The following PIK3C2G variants were observed in gnomAD, a reference collection of about 807,000 sequenced individuals.
PIK3C2G encodes phosphatidylinositol 3-kinase C2 domain-containing subunit gamma.
In PIK3C2G, 168 loss-of-function variants were observed where a neutral mutation model predicts 181.1. The ratio of observed to expected loss-of-function variants is 0.93; its 90% CI spans 0.82 to 1.05. The LOEUF is 1.05. PIK3C2G is among the 50% of genes least tolerant of loss of function. The pLI, the probability that PIK3C2G is intolerant of heterozygous loss-of-function variation, is 0.00. For synonymous variants in PIK3C2G, 573 were observed against 592.2 expected (o/e 0.97, Z 0.47); for missense variants, 1,869 against 1,732.8 (o/e 1.08, Z -1.40).
At chr12:18,272,493 A>G (rs1245093901) in intron 1 of PIK3C2G, among the ~76,000 whole-genome samples, 1 of 152,178 alleles carries the variant, frequency 6.6e-6, no homozygotes, top group Non-Finnish European at 1.5e-5. Context: ...AATATTGATA[A>G]TGCAATTTCA....
intron 1 of PIK3C2G, among the ~76,000 whole-genome samples, chr12:18,277,102 A>G (rs1949016937): frequency 6.6e-6 from 1 of 152,204 alleles, no homozygotes; most frequent in South Asian, 2.1e-4. Context: ...ACTCGATTCC[A>G]AATTAGAAAT....
At chr12:18,513,615 C>G (rs1207037781) in intron 24 of PIK3C2G, among the ~76,000 whole-genome samples, 1 of 151,654 alleles carries the variant, frequency 6.6e-6, no homozygotes, top group Non-Finnish European at 1.5e-5. Context: ...ATGATCCTTT[C>G]TATTACAGTG....
chr12:18,464,163 C>A (rs1278552905), intron 18 of PIK3C2G, among the ~76,000 whole-genome samples: 1 of 152,012 alleles, frequency 6.6e-6, no homozygotes, highest in Non-Finnish European at 1.5e-5. Flanking sequence ...GCCTCATATG[C>A]CCTAAAGTAC....
chr12:18,329,260 A>T (rs922908864), intron 8 of PIK3C2G, among the ~76,000 whole-genome samples: 1 of 151,970 alleles, frequency 6.6e-6, no homozygotes, highest in Non-Finnish European at 1.5e-5. Flanking sequence ...CTAGTGATTT[A>T]TGTACTAAAT....
At chr12:18,292,227 A>AAAAAAAAAAATATATATATATATAT in intron 4 of PIK3C2G, among the ~76,000 whole-genome samples, 2 of 48,750 alleles carry the variant, frequency 4.1e-5, no homozygotes, top group Non-Finnish European at 6.7e-5. Flanking sequence ...AAAAAAAAAA[A>AAAAAAAAAAATATATATATATATAT]ATATATATAT....
chr12:18,327,513 C>G lies in PIK3C2G; in HGVS notation c.1272+2415C>G, dbSNP rs369390278. On this transcript the variant is annotated intron_variant, in intron 8 of 32. Transcript: ENST00000538779. ...TTTTCTTTCTTGACAATTATTATTT[C>G]AACATATTTTAGATGATAACAATTT... is the stretch of plus-strand genomic sequence containing the variant. Among the ~76,000 whole-genome samples the G allele has an allele frequency of 4.5e-4, 68 of 151,994 alleles. No individual in the cohort carries two copies. In the East Asian group the frequency reaches 7.2e-3, roughly 16 times the overall value.
At chr12:18,642,103 A>T (rs934673786) in intron 32 of PIK3C2G, among the ~76,000 whole-genome samples, 1 of 152,148 alleles carries the variant, frequency 6.6e-6, no homozygotes, top group Non-Finnish European at 1.5e-5. Flanking sequence ...TCTCATAGGC[A>T]CTTTTAGACC....
intron 31 of PIK3C2G, among the ~76,000 whole-genome samples, chr12:18,609,854 C>T (rs941404848): frequency 2.0e-5 from 3 of 151,948 alleles, no homozygotes; most frequent in African/African-American, 7.2e-5. Flanking sequence ...GAACATTAAA[C>T]TTTATTCAAA....
At chr12:18,500,175 G>A (rs1283541012) in intron 22 of PIK3C2G, among the ~76,000 whole-genome samples, 1 of 152,164 alleles carries the variant, frequency 6.6e-6, no homozygotes, top group Non-Finnish European at 1.5e-5. Context: ...ACCGGGCTGC[G>A]CCCAGTGCTT....
At chr12:18,309,303 C>T (rs959409467) in intron 5 of PIK3C2G, among the ~76,000 whole-genome samples, 3 of 151,684 alleles carry the variant, frequency 2.0e-5, no homozygotes, top group African/African-American at 7.3e-5. Context: ...CCATACTTTA[C>T]CATAAAATAT....
chr12:18,720,079 G>C, the PIK3C2G span, among the ~76,000 whole-genome samples: 810 of 152,128 alleles, frequency 5.3e-3, 19 homozygotes, highest in Admixed American at 0.015. Flanking sequence ...TTCTTTGGTT[G>C]TTGCACTTTA....
chr12:18,589,569 T>A (rs1372024761), intron 29 of PIK3C2G, among the ~76,000 whole-genome samples: 1 of 151,980 alleles, frequency 6.6e-6, no homozygotes, highest in East Asian at 1.9e-4. Flanking sequence ...AGGGCATTTT[T>A]ATGAAGGAAG....
intron 25 of PIK3C2G, among the ~76,000 whole-genome samples, chr12:18,540,045 A>G (rs1000231875): frequency 7.2e-5 from 11 of 151,834 alleles, no homozygotes; most frequent in East Asian, 1.9e-4. Context: ...TGTGATTCTG[A>G]CCCCATTTAA....
chr12:18,282,469 A>T lies in PIK3C2G; in HGVS notation c.388A>T (p.Ile130Leu). 1 of 1,611,912 alleles carries T rather than the reference A, an allele frequency of 6.2e-7. No individual in the cohort carries two copies. Among genetic ancestry groups the T allele is most frequent in the Non-Finnish European group, 8.5e-7 (1 of 1,178,868 alleles). ...TAAAGAATGCTCCTGGGGAAGCCCC[A>T]TAGGAAAACATCATGGTGCTGATGA... ...TNKECSWGSPIGKHHGADDSR... is the reference protein window; with the variant it reads ...TNKECSWGSPLGKHHGADDSR... The change falls in exon 2 of 33, where the codon ATA (isoleucine) becomes TTA (leucine). Residue 130 changes from isoleucine (I) to leucine (L), a missense_variant. Ile to Leu is a conservative substitution (Grantham distance 5). Coordinates refer to ENST00000538779, the MANE Select transcript of PIK3C2G (RefSeq NM_001288772.2).
chr12:18,380,276 A>C (rs1942749208), intron 13 of PIK3C2G, among the ~76,000 whole-genome samples: 1 of 152,068 alleles, frequency 6.6e-6, no homozygotes, highest in African/African-American at 2.4e-5. Context: ...TTCTGTCGTC[A>C]TGTTCTCCTA....
intron 20 of PIK3C2G, among the ~76,000 whole-genome samples, chr12:18,492,277 G>T (rs182178428): frequency 1.3e-5 from 2 of 152,144 alleles, no homozygotes; most frequent in East Asian, 3.9e-4. Context: ...AAGCTATCAT[G>T]CACGGACAAT....
At chr12:18,306,529 G>T (rs954618155) in intron 5 of PIK3C2G, among the ~76,000 whole-genome samples, 5 of 151,958 alleles carry the variant, frequency 3.3e-5, no homozygotes, top group Admixed American at 6.6e-5. Flanking sequence ...ATACCACTTT[G>T]AGCACAAAAT....
chr12:18,328,501 A>G (rs1951446435), intron 8 of PIK3C2G, among the ~76,000 whole-genome samples: 1 of 152,002 alleles, frequency 6.6e-6, no homozygotes, highest in African/African-American at 2.4e-5. Context: ...GACTTTCAGA[A>G]GTTCCAATTT....
At chr12:18,287,164 G>A (rs971962231) in intron 3 of PIK3C2G, among the ~76,000 whole-genome samples, 1 of 151,860 alleles carries the variant, frequency 6.6e-6, no homozygotes, top group South Asian at 2.1e-4. Context: ...AAAGTTAAAT[G>A]TTTTATAAAT....
Sources: gnomAD v4.1 joint callset for allele counts (sites outside exome capture counted in the v4.1 genomes callset) on GRCh38, gnomAD v4.1.1 for gene constraint, MANE v1.5 for transcripts, NCBI Gene and HGNC (gene_info 2026-07-23, HGNC 2026-07-21) for gene names.